Variants in KLRK1 observed in about 807,000 individuals in gnomAD.
KLRK1 encodes killer cell lectin like receptor K1.
Under a neutral mutation model 31.3 loss-of-function variants are expected in KLRK1, and 40 were observed. The observed-to-expected ratio is 1.28, with a 90% CI of 0.99 to 1.67. The LOEUF (loss-of-function observed/expected upper bound fraction) is 1.67. KLRK1 is among the 40% of genes most tolerant of loss of function. The probability of loss-of-function intolerance (pLI) is 0.00; values close to 1 mark genes in which losing one functional copy is unlikely to be tolerated. For missense variants in KLRK1, 251 were observed against 260.0 expected, an observed-to-expected ratio of 0.97 and a Z score of 0.24; for synonymous variants, 77 against 77.3, an observed-to-expected ratio of 1.00 and a Z score of 0.02.
chr12:10,376,180 A>G (rs545328178), intron 7 of KLRK1, among the ~76,000 whole-genome samples: 2 of 152,352 alleles, frequency 1.3e-5, no homozygotes, highest in Non-Finnish European at 2.9e-5. Context: ...TACCAGCCAT[A>G]TTACAAAACT....
At chr12:10,381,490 TAAG>T (rs1436241031) in intron 3 of KLRK1, among the ~76,000 whole-genome samples, 4 of 151,418 alleles carry the variant, frequency 2.6e-5, no homozygotes, top group African/African-American at 9.7e-5. Flanking sequence ...GATACACAAA[TAAG>T]AAAGAGAAAG....
rs574551128 is a variant in KLRK1, at chr12:10,378,206, A to G, written c.459T>C (p.His153=). 8.1e-6 allele frequency: 13 copies of G among 1,613,872 alleles called. No individual in the cohort carries two copies. In the East Asian group the frequency reaches 2.2e-4, roughly 28 times the overall value. Residue 153 remains histidine (H), a synonymous_variant, in exon 7 of 8, where the codon CAT becomes CAC. Transcript: ENST00000240618. ...TTGGAATGTGTACTAGTCCCATCCA[A>G]TGATATGACTTCACCAGTTTAAGTA... ...QDLLKLVKSY[H]WMGLVHIPTN... is the part of the protein sequence containing the mutation.
intron 7 of KLRK1, among the ~76,000 whole-genome samples, chr12:10,376,361 T>C (rs1302599602): frequency 6.6e-6 from 1 of 152,018 alleles, no homozygotes; most frequent in Non-Finnish European, 1.5e-5. Context: ...GAAAATGAAA[T>C]TAAATTAGAA....
chr12:10,383,255 GA>G (rs1288626729), intron 3 of KLRK1, among the ~76,000 whole-genome samples: 2 of 151,908 alleles, frequency 1.3e-5, no homozygotes, highest in Non-Finnish European at 2.9e-5. Flanking sequence ...TTGCCTACAA[GA>G]AACCCACTTT....
At position 10,389,982 on chromosome 12, in the gene KLRK1, G is replaced by C. The variant is rs1770044061; in HGVS notation, c.-105C>G. 6.6e-6 allele frequency: 1 copy of C among 151,954 alleles called. No individual in the cohort carries two copies. The highest frequency in any genetic ancestry group is 1.5e-5 in the Non-Finnish European group (1 of 67,914). The allele number at this position is 151,954 out of a possible 1,614,324, so 9.4% of individuals were successfully genotyped here. On this transcript the variant is annotated 5_prime_UTR_variant, in exon 1 of 8. Coordinates refer to ENST00000240618, the MANE Select transcript of KLRK1 (RefSeq NM_007360.4). Reference sequence around the variant, plus strand: ...AAGATCTTGATTCTTGTGGATAAAAGCCTTCTATAAAACTAGAAAATTTAG... The same window carrying C: ...AAGATCTTGATTCTTGTGGATAAAACCCTTCTATAAAACTAGAAAATTTAG...
Position 10,388,740 on chromosome 12 carries a change from A to G in KLRK1, c.40+31T>C, listed in dbSNP as rs1863214562. 3 of 1,613,222 alleles carry G rather than the reference A, an allele frequency of 1.9e-6. No individual in the cohort carries two copies. The African/African-American group carries it at 4.0e-5, about 22-fold the overall frequency. On this transcript the variant is annotated intron_variant, in intron 2 of 7. Coordinates refer to ENST00000240618, the MANE Select transcript of KLRK1 (RefSeq NM_007360.4). ...TGGTATCTTAAAATTGTATAAAAACAAAACTACACACTTATGTGGTAAAAA... is the reference window on the plus strand; with the variant it reads ...TGGTATCTTAAAATTGTATAAAAACGAAACTACACACTTATGTGGTAAAAA...
intron 5 of KLRK1, 61 bp downstream of exon 5, chr12:10,379,386 C>T (rs1863027083): frequency 1.9e-6 from 2 of 1,057,496 alleles, no homozygotes; most frequent in Non-Finnish European, 1.3e-6. Context: ...TACATGTCTA[C>T]ACAATAATGT....
chr12:10,388,657 C>A, intron 2 of KLRK1, 114 bp downstream of exon 2: 2 of 1,174,250 alleles, frequency 1.7e-6, no homozygotes, highest in Non-Finnish European at 2.4e-6. Flanking sequence ...ATAAATAGAA[C>A]ATGAAAAGAA....
At chr12:10,373,327 A>G (rs1451447757) in intron 7 of KLRK1, 96 bp from the exon 8 acceptor site, 7 of 1,045,322 alleles carry the variant, frequency 6.7e-6, no homozygotes, top group Non-Finnish European at 9.5e-6. Flanking sequence ...ACAGGAACTT[A>G]ATACCATTTT....
chr12:10,385,061 T>C (rs1310090542), intron 3 of KLRK1, among the ~76,000 whole-genome samples: 1 of 152,056 alleles, frequency 6.6e-6, no homozygotes, highest in Non-Finnish European at 1.5e-5. Flanking sequence ...CTAGTTAGAA[T>C]AGCTATTATT....
intron 7 of KLRK1, among the ~76,000 whole-genome samples, chr12:10,376,179 T>A (rs1862961523): frequency 6.6e-6 from 1 of 152,212 alleles, no homozygotes. Context: ...CTACCAGCCA[T>A]ATTACAAAAC....
intron 3 of KLRK1, among the ~76,000 whole-genome samples, chr12:10,381,089 G>C (rs546948228): frequency 7.2e-5 from 11 of 152,064 alleles, no homozygotes; most frequent in African/African-American, 2.2e-4. Flanking sequence ...CCAGGGAACA[G>C]GAGATGCAGC....
intron 1 of KLRK1, 41 bp from the exon 2 acceptor site, chr12:10,388,916 T>C (rs188421623): frequency 7.4e-7 from 1 of 1,358,554 alleles, no homozygotes; most frequent in Admixed American, 1.9e-5. Flanking sequence ...TTGTTCTCTT[T>C]CCCGTGGTGA....
rs976920755 is a variant in KLRK1, at chr12:10,390,025, G to C, written c.-148C>G. 2 of 152,032 alleles carry C rather than the reference G, an allele frequency of 1.3e-5. No individual in the cohort carries two copies. The highest frequency in any genetic ancestry group is 2.4e-5 in the African/African-American group (1 of 41,416). The allele number at this position is 152,032 out of a possible 1,614,324, so 9.4% of individuals were successfully genotyped here. A position where few individuals can be genotyped will look rare whatever the true frequency, so the allele number is the denominator to read the frequency against. On this transcript the variant is annotated 5_prime_UTR_variant, in exon 1 of 8. The change creates a new upstream start codon in the 5' untranslated region. Transcript: ENST00000240618. Reference sequence around the variant, plus strand: ...AAATTTAGATATGTCCTCAGTTCCTGATCTAGAATTGAAAGTGGAGATACT... The same window carrying C: ...AAATTTAGATATGTCCTCAGTTCCTCATCTAGAATTGAAAGTGGAGATACT...
chr12:10,388,918 C>A, intron 1 of KLRK1, 43 bp from the exon 2 acceptor site: 1 of 1,333,080 alleles, frequency 7.5e-7, no homozygotes, highest in East Asian at 2.4e-5. Flanking sequence ...GTTCTCTTTC[C>A]CGTGGTGAGA....
At position 10,388,893 on chromosome 12, in the gene KLRK1, G is replaced by T. The variant is rs779636557; in HGVS notation, c.-65-18C>A. 6.5e-7 allele frequency: 1 copy of T among 1,535,496 alleles called. No individual in the cohort carries two copies. The highest frequency in any genetic ancestry group is 8.9e-7 in the Non-Finnish European group (1 of 1,120,716). On this transcript the variant is annotated intron_variant, in intron 1 of 7. Coordinates refer to ENST00000240618, the MANE Select transcript of KLRK1 (RefSeq NM_007360.4). ...AAGGATTCCTGAATAAAATAAAACT[G>T]GGCATTTGTTTTTTGTTCTCTTTCC...
chr12:10,379,294 T>C lies in KLRK1; in HGVS notation c.277+153A>G, dbSNP rs987447495. The C allele has an allele frequency of 1.1e-4, 29 of 273,422 alleles. 1 individual carries two copies. Among genetic ancestry groups the C allele is most frequent in the Non-Finnish European group, 1.9e-4 (28 of 144,382 alleles). 16.9% of individuals were successfully genotyped at this position (273,422 alleles called of 1,614,324 possible). ...AGTAGCCTCTACTTTTTACAAGTATTCCCTCATTGTTAAAAGGAAAACAGA... is the reference window on the plus strand; with the variant it reads ...AGTAGCCTCTACTTTTTACAAGTATCCCCTCATTGTTAAAAGGAAAACAGA... On this transcript the variant is annotated intron_variant, in intron 5 of 7. Transcript: ENST00000240618.
intron 2 of KLRK1, among the ~76,000 whole-genome samples, chr12:10,387,784 G>A (rs2137821703): frequency 6.6e-6 from 1 of 152,060 alleles, no homozygotes; most frequent in East Asian, 1.9e-4. Flanking sequence ...GACCACAGGT[G>A]ATCTACCCAC....
intron 2 of KLRK1, among the ~76,000 whole-genome samples, chr12:10,388,346 T>C (rs1863205443): frequency 1.3e-5 from 2 of 152,230 alleles, no homozygotes; most frequent in Non-Finnish European, 2.9e-5. Flanking sequence ...TTAACATACA[T>C]GTCAGTTGAT....
Sources: gnomAD v4.1 joint callset for allele counts (sites outside exome capture counted in the v4.1 genomes callset) on GRCh38, gnomAD v4.1.1 for gene constraint, MANE v1.5 for transcripts, NCBI Gene and HGNC (gene_info 2026-07-23, HGNC 2026-07-21) for gene names.